The following CADPS variants were observed in gnomAD, a reference collection of about 807,000 sequenced individuals.
CADPS encodes the protein calcium dependent secretion activator.
In CADPS, 57 loss-of-function variants were observed where a neutral mutation model predicts 167.3. The ratio of observed to expected loss-of-function variants is 0.34; its 90% CI spans 0.28 to 0.42. CADPS has a LOEUF of 0.42. CADPS is among the 20% of genes least tolerant of loss of function. The pLI is 1.00. For synonymous variants in CADPS, 676 were observed against 635.3 expected (o/e 1.06, Z -0.96); for missense variants, 1,414 against 1,738.1 (o/e 0.81, Z 3.32).
chr3:62,875,024 C>T lies in CADPS; in HGVS notation c.6G>A (p.Leu2=), dbSNP rs1255485419. The T allele has an allele frequency of 2.5e-6, 4 of 1,591,226 alleles. No individual in the cohort carries two copies. The highest frequency in any genetic ancestry group is 3.4e-6 in the Non-Finnish European group (4 of 1,168,716). The change falls in exon 1 of 30, where the codon CTG becomes CTA. Residue 2 remains leucine (L), a synonymous_variant. Transcript: ENST00000383710. ...ATTCTTCTTCGCTGGACGAAGGGTC[C>T]AGCATAGTGGCGCCTGGGGAGCGGG... is the stretch of plus-strand genomic sequence containing the variant. M[L]DPSSSEEESD... is the part of the protein sequence containing the mutation.
intron 11 of CADPS, among the ~76,000 whole-genome samples, chr3:62,538,796 T>A (rs1202062228): frequency 6.6e-6 from 1 of 152,134 alleles, no homozygotes; most frequent in Non-Finnish European, 1.5e-5. Context: ...TTGTTGAAAC[T>A]CTTGAAAACT....
chr3:62,828,721 CCAG>C (rs1415994898), intron 1 of CADPS, among the ~76,000 whole-genome samples: 1 of 152,006 alleles, frequency 6.6e-6, no homozygotes, highest in African/African-American at 2.4e-5. Flanking sequence ...TAAATATATA[CCAG>C]CAGATTTAAA....
At chr3:62,484,589 T>A (rs889570822) in intron 21 of CADPS, among the ~76,000 whole-genome samples, 2 of 152,168 alleles carry the variant, frequency 1.3e-5, no homozygotes, top group Admixed American at 6.5e-5. Context: ...TGAAAAAGAA[T>A]AGCTTCCATT....
In CADPS at chr3:62,576,788, TAAAAA is replaced by T. The variant is rs138055445; in HGVS notation, c.1578-5855_1578-5851del. ...CTGGGTGACAGAGCAAGACTCTGTC[TAAAAA>T]AAAAAAAAAAAAAAAAAAAAAAAAG... On this transcript the variant is annotated intron_variant, in intron 8 of 29. Transcript: ENST00000383710. 2.3e-4 allele frequency among the ~76,000 whole-genome samples: 7 copies of T among 29,868 alleles called. No individual in the cohort carries two copies. The East Asian group carries it at 7.4e-3, about 32-fold the overall frequency. The allele number at this position is 29,868 out of a possible 152,430, so 19.6% of individuals were successfully genotyped here. A position where few individuals can be genotyped will look rare whatever the true frequency, so the allele number is the denominator to read the frequency against.
Position 62,592,719 on chromosome 3 carries a change from G to A in CADPS, c.1355C>T (p.Thr452Ile), listed in dbSNP as rs745586265. 1.2e-6 allele frequency: 2 copies of A among 1,614,126 alleles called. No homozygotes were observed. Among genetic ancestry groups the A allele is most frequent in the South Asian group, 2.2e-5 (2 of 91,080 alleles). The change falls in exon 7 of 30, where the codon ACC (threonine) becomes ATC (isoleucine). Residue 452 changes from threonine to isoleucine, a missense_variant. Thr to Ile is a moderately conservative substitution (Grantham distance 89). Coordinates refer to ENST00000383710, the MANE Select transcript of CADPS (RefSeq NM_003716.4). ...TWGTQGDFSTTHALPAVKVKL... is the reference protein window; with the variant it reads ...TWGTQGDFSTIHALPAVKVKL... ...CACCTTCACAGCTGGCAGTGCATGG[G>A]TTGTGGAGAAGTCACCCTGGGTGCC...
chr3:62,843,313 C>G (rs1180926132), intron 1 of CADPS, among the ~76,000 whole-genome samples: 4 of 152,026 alleles, frequency 2.6e-5, no homozygotes, highest in Admixed American at 2.6e-4. Context: ...ATAACTAAAG[C>G]CACAAGTATT....
At chr3:62,786,038 C>A (rs923984852) in intron 1 of CADPS, among the ~76,000 whole-genome samples, 1 of 151,496 alleles carries the variant, frequency 6.6e-6, no homozygotes, top group Non-Finnish European at 1.5e-5. Context: ...CGTGGTGAAA[C>A]CCCGTCTCTA....
intron 1 of CADPS, among the ~76,000 whole-genome samples, chr3:62,782,995 G>C (rs762250036): frequency 6.6e-6 from 1 of 152,046 alleles, no homozygotes; most frequent in Non-Finnish European, 1.5e-5. Flanking sequence ...CCTGACCTCA[G>C]GTTATCCACC....
chr3:62,629,620 T>C (rs907652357), intron 6 of CADPS, among the ~76,000 whole-genome samples: 4 of 152,336 alleles, frequency 2.6e-5, no homozygotes, highest in African/African-American at 9.6e-5. Flanking sequence ...GGCCATTCTT[T>C]GTATAAGACT....
chr3:62,659,238 A>G (rs1320874243), intron 4 of CADPS, among the ~76,000 whole-genome samples: 2 of 152,174 alleles, frequency 1.3e-5, no homozygotes, highest in Non-Finnish European at 2.9e-5. Context: ...TGCTGGAAAT[A>G]GAAAAATCGG....
chr3:62,427,044 C>A (rs916218536), intron 28 of CADPS, among the ~76,000 whole-genome samples: 1 of 146,544 alleles, frequency 6.8e-6, no homozygotes, highest in Admixed American at 6.9e-5. Flanking sequence ...CACTACACTC[C>A]AGCCTGGGTG....
chr3:62,708,621 G>A (rs1342709810), intron 3 of CADPS, among the ~76,000 whole-genome samples: 2 of 151,980 alleles, frequency 1.3e-5, no homozygotes, highest in Admixed American at 6.5e-5. Context: ...AAAACACGAA[G>A]ATGGGCTGAG....
At chr3:62,685,630 C>T (rs2077863442) in intron 3 of CADPS, among the ~76,000 whole-genome samples, 1 of 147,918 alleles carries the variant, frequency 6.8e-6, no homozygotes, top group Non-Finnish European at 1.5e-5. Flanking sequence ...AGCAGCGGTC[C>T]CCAACATTTT....
intron 1 of CADPS, among the ~76,000 whole-genome samples, chr3:62,871,789 G>A (rs1256085439): frequency 6.6e-6 from 1 of 152,142 alleles, no homozygotes; most frequent in Non-Finnish European, 1.5e-5. Context: ...TTAGTTCATT[G>A]TAACCCATGT....
At chr3:62,498,287 AT>A in intron 18 of CADPS, 1 of 409,088 alleles carries the variant, frequency 2.4e-6, no homozygotes, top group South Asian at 1.8e-5. Context: ...GGCAATTTCC[AT>A]TTAGTCATGG....
intron 13 of CADPS, among the ~76,000 whole-genome samples, chr3:62,529,791 T>C (rs1261329033): frequency 6.6e-6 from 1 of 152,208 alleles, no homozygotes; most frequent in Non-Finnish European, 1.5e-5. Context: ...AGTGAATAAA[T>C]TTATAATGAT....
chr3:62,729,358 A>T lies in CADPS; in HGVS notation c.888+24083T>A, dbSNP rs542051032. Among the ~76,000 whole-genome samples the T allele has an allele frequency of 5.1e-4, 78 of 152,030 alleles. 2 individuals carry two copies. Among genetic ancestry groups the T allele is most frequent in the African/African-American group, 1.8e-3 (75 of 41,298 alleles). ...GTCAGGGAGTGGAAGGATAGAAGGC[A>T]TTTGCAAATGCCCTTAACTGAAACC... On this transcript the variant is annotated intron_variant, in intron 3 of 29. Transcript: ENST00000383710.
chr3:62,604,521 T>C (rs2060424922), intron 6 of CADPS, among the ~76,000 whole-genome samples: 1 of 152,234 alleles, frequency 6.6e-6, no homozygotes, highest in South Asian at 2.1e-4. Flanking sequence ...GGTTGACTCA[T>C]AAGAAAATAC....
At chr3:62,432,247 A>G (rs758809545) in intron 28 of CADPS, among the ~76,000 whole-genome samples, 22 of 152,194 alleles carry the variant, frequency 1.4e-4, no homozygotes, top group Non-Finnish European at 2.2e-4. Flanking sequence ...TATATCATTT[A>G]GTCCTCACGA....
Sources: allele counts gnomAD v4.1 joint callset (sites outside exome capture counted in the v4.1 genomes callset), GRCh38; gene constraint gnomAD v4.1.1; transcripts MANE v1.5; gene names NCBI Gene and HGNC (gene_info 2026-07-23, HGNC 2026-07-21).